The following CNTN5 variants were observed in gnomAD, a reference collection of about 807,000 sequenced individuals.
CNTN5 encodes contactin-5.
A neutral mutation model predicts 129.1 loss-of-function variants in CNTN5; 77 were observed. That is an observed-to-expected ratio of 0.60 (90% CI 0.50 to 0.72). The LOEUF is 0.72. CNTN5 is among the 30% of genes least tolerant of loss of function. CNTN5 has a pLI of 0.00. For missense variants in CNTN5, 1,478 were observed against 1,328.8 expected, an observed-to-expected ratio of 1.11 and a Z score of -1.75; for synonymous variants, 509 against 465.6, an observed-to-expected ratio of 1.09 and a Z score of -1.20.
At chr11:99,345,275 T>C (rs377259127) in intron 2 of CNTN5, among the ~76,000 whole-genome samples, 37 of 152,336 alleles carry the variant, frequency 2.4e-4, no homozygotes, top group African/African-American at 8.7e-4. Flanking sequence ...GTTTTTCTAA[T>C]GAATTATACA....
At chr11:100,091,424 C>CTTTTTTTTT (rs60075209) in intron 13 of CNTN5, among the ~76,000 whole-genome samples, 2 of 114,426 alleles carry the variant, frequency 1.7e-5, no homozygotes, top group African/African-American at 7.1e-5. Context: ...TTTATTTATT[C>CTTTTTTTTT]TTTTTTTTTT....
intron 7 of CNTN5, among the ~76,000 whole-genome samples, chr11:99,952,686 T>A (rs1950705964): frequency 6.6e-6 from 1 of 152,154 alleles, no homozygotes; most frequent in Non-Finnish European, 1.5e-5. Flanking sequence ...CTTGGGCTGC[T>A]GTGCCTGGAC....
intron 2 of CNTN5, among the ~76,000 whole-genome samples, chr11:99,412,801 C>T (rs7106164): frequency 1 from 152,219 of 152,328 alleles, 76,055 homozygotes; most frequent in Non-Finnish European, 1. Context: ...ATTATTGTTT[C>T]AACCCATAAA....
intron 7 of CNTN5, among the ~76,000 whole-genome samples, chr11:99,950,348 G>A (rs534993478): frequency 6.6e-5 from 10 of 152,234 alleles, no homozygotes; most frequent in Admixed American, 6.5e-4. Context: ...AGGTGTGGTG[G>A]TGGGCGCCTG....
intron 6 of CNTN5, among the ~76,000 whole-genome samples, chr11:99,898,039 A>G (rs1201599580): frequency 3.9e-5 from 6 of 152,158 alleles, no homozygotes; most frequent in Non-Finnish European, 5.9e-5. Flanking sequence ...GAAAATAGCA[A>G]CATAACATAC....
At chr11:99,273,129 A>T (rs1212778167) in intron 1 of CNTN5, among the ~76,000 whole-genome samples, 1 of 151,778 alleles carries the variant, frequency 6.6e-6, no homozygotes, top group East Asian at 1.9e-4. Context: ...CTAATTAGAT[A>T]CGTAAATCCT....
At chr11:99,895,340 A>C (rs569422988) in intron 6 of CNTN5, among the ~76,000 whole-genome samples, 2 of 152,218 alleles carry the variant, frequency 1.3e-5, no homozygotes, top group Non-Finnish European at 2.9e-5. Flanking sequence ...TGAAATGAAA[A>C]CTTCTCATAC....
intron 2 of CNTN5, among the ~76,000 whole-genome samples, chr11:99,516,132 T>A (rs557235886): frequency 1.5e-5 from 1 of 65,306 alleles, no homozygotes; most frequent in Non-Finnish European, 3.3e-5. Flanking sequence ...AAGGTGCTAA[T>A]TGTTAAAAAA....
chr11:99,740,300 T>G (rs1943847520), intron 3 of CNTN5, among the ~76,000 whole-genome samples: 1 of 152,068 alleles, frequency 6.6e-6, no homozygotes, highest in Admixed American at 6.6e-5. Context: ...AATCTAGGGT[T>G]TGAATTCAAA....
chr11:100,153,038 CAGAA>C (rs1049406940), intron 13 of CNTN5, among the ~76,000 whole-genome samples: 9 of 151,978 alleles, frequency 5.9e-5, no homozygotes, highest in Non-Finnish European at 1.3e-4. Context: ...AAAAGGAGAA[CAGAA>C]AGAAGTAATA....
intron 2 of CNTN5, among the ~76,000 whole-genome samples, chr11:99,492,635 G>A (rs1946079918): frequency 6.6e-6 from 1 of 152,076 alleles, no homozygotes; most frequent in African/African-American, 2.4e-5. Flanking sequence ...CTTACCCATT[G>A]CAAGGGTCAT....
intron 3 of CNTN5, among the ~76,000 whole-genome samples, chr11:99,806,567 G>T (rs939424768): frequency 1.3e-5 from 2 of 152,006 alleles, no homozygotes; most frequent in Non-Finnish European, 1.5e-5. Context: ...CTAGCACCCT[G>T]GGAGGCTGAG....
At chr11:99,051,221 C>G (rs1864414412) in intron 1 of CNTN5, among the ~76,000 whole-genome samples, 1 of 151,826 alleles carries the variant, frequency 6.6e-6, no homozygotes. Flanking sequence ...GGTGGATCTT[C>G]TTTTTATAAT....
chr11:99,365,000 G>A (rs920705675), intron 2 of CNTN5, among the ~76,000 whole-genome samples: 4 of 152,106 alleles, frequency 2.6e-5, no homozygotes, highest in African/African-American at 9.7e-5. Flanking sequence ...TATAGAGGCT[G>A]TTGCATCTGC....
At chr11:99,250,351 A>G (rs1466347070) in intron 1 of CNTN5, among the ~76,000 whole-genome samples, 2 of 151,954 alleles carry the variant, frequency 1.3e-5, no homozygotes, top group Non-Finnish European at 2.9e-5. Context: ...TTGAGTGTTG[A>G]TTAATGTCTA....
chr11:99,749,788 T>C (rs1944171970), intron 3 of CNTN5, among the ~76,000 whole-genome samples: 1 of 149,966 alleles, frequency 6.7e-6, no homozygotes, highest in Non-Finnish European at 1.5e-5. Context: ...AGTTATATAT[T>C]ATTTTATCAT....
intron 13 of CNTN5, among the ~76,000 whole-genome samples, chr11:100,097,218 A>T (rs903934914): frequency 2.6e-5 from 4 of 152,130 alleles, no homozygotes; most frequent in Non-Finnish European, 4.4e-5. Flanking sequence ...CTTTTATTCA[A>T]GATGGAAGGA....
rs1258297763 is a variant in CNTN5, at chr11:100,285,644, C to T, written c.2315-11981C>T. On this transcript the variant is annotated intron_variant, in intron 18 of 24. Coordinates refer to ENST00000524871, the MANE Select transcript of CNTN5 (RefSeq NM_014361.4). ...TTTTCCACACATTCAAATGTCTTTG[C>T]TTTCTAGTTATTTTTTTCCTACACT... 2.0e-5 allele frequency among the ~76,000 whole-genome samples: 3 copies of T among 152,194 alleles called. No individual in the cohort carries two copies. In the East Asian group the frequency reaches 5.8e-4, roughly 29 times the overall value.
At chr11:100,238,260 T>G (rs1454213670) in intron 16 of CNTN5, among the ~76,000 whole-genome samples, 1 of 151,892 alleles carries the variant, frequency 6.6e-6, no homozygotes, top group Admixed American at 6.6e-5. Flanking sequence ...TGACTCAAAA[T>G]TTTTAAAATG....
Sources: allele counts gnomAD v4.1 joint callset (sites outside exome capture counted in the v4.1 genomes callset), GRCh38; gene constraint gnomAD v4.1.1; transcripts MANE v1.5; gene names NCBI Gene and HGNC (gene_info 2026-07-23, HGNC 2026-07-21).